PIGG: variants seen among roughly 807,000 people sequenced by gnomAD.
PIGG encodes phosphatidylinositol glycan anchor biosynthesis class G (EMM blood group).
In PIGG, 70 loss-of-function variants were observed where a neutral mutation model predicts 83.2. The ratio of observed to expected loss-of-function variants is 0.84; its 90% CI spans 0.69 to 1.03. The LOEUF (loss-of-function observed/expected upper bound fraction) is 1.03, where lower values mean the gene tolerates loss of function less well. Ranked by LOEUF, PIGG falls within the 50% of genes least tolerant of loss-of-function variation. The pLI is 0.00. For missense variants in PIGG, 1,257 were observed against 1,233.6 expected (o/e 1.02, Z -0.28); for synonymous variants, 532 against 519.5 (o/e 1.02, Z -0.33).
chr4:514,810 T>C (rs1723303190), intron 5 of PIGG, among the ~76,000 whole-genome samples: 1 of 152,186 alleles, frequency 6.6e-6, no homozygotes, highest in Non-Finnish European at 1.5e-5. Context: ...TATCCCGCAA[T>C]AGACACGCAA....
rs1303072464 is a variant in PIGG, at chr4:530,565, A to G, written c.2391A>G (p.Ile797Met). The G allele has an allele frequency of 1.2e-6, 2 of 1,613,744 alleles. No individual in the cohort carries two copies. The highest frequency in any genetic ancestry group is 1.7e-5 in the Admixed American group (1 of 60,012). Residue 797 changes from isoleucine (I) to methionine (M), a missense_variant, in exon 11 of 13, where the codon ATA becomes ATG. Physicochemically the swap from Ile to Met is conservative, Grantham distance 10. Transcript: ENST00000453061. ...TCAAGACTGTAGGTTTATGGGAGAT[A>G]TATAGTGGATTAGTTCTTCTGGCAG... ...FKLKTVGLWE[I>M]YSGLVLLAAL...
chr4:511,296 T>TAAA (rs1191304904), intron 5 of PIGG, among the ~76,000 whole-genome samples: 15 of 128,264 alleles, frequency 1.2e-4, no homozygotes, highest in South Asian at 7.5e-4. Flanking sequence ...TCCCCATCTT[T>TAAA]AAAAAAAAAA....
In PIGG at chr4:512,259, AC is replaced by A. The variant is rs570132889; in HGVS notation, c.901+3292del. Among the ~76,000 whole-genome samples the A allele has an allele frequency of 7.1e-3, 906 of 126,992 alleles. 9 individuals are homozygous for A. Among genetic ancestry groups the A allele is most frequent in the African/African-American group, 0.027 (858 of 32,202 alleles). 83.3% of individuals were successfully genotyped at this position (126,992 alleles called of 152,430 possible). A position where few individuals can be genotyped will look rare whatever the true frequency, so the allele number is the denominator to read the frequency against. ...TTTTGAGATGGAGTCTTGCTCTGTC[AC>A]CCAGGCTGGAGTGCAGTGACACGAT... On this transcript the variant is annotated intron_variant, in intron 5 of 12. Coordinates refer to ENST00000453061, the MANE Select transcript of PIGG (RefSeq NM_001127178.3).
intron 6 of PIGG, among the ~76,000 whole-genome samples, 187 bp from the exon 7 acceptor site, chr4:520,869 T>A (rs1293065891): frequency 6.6e-6 from 1 of 152,190 alleles, no homozygotes; most frequent in Admixed American, 6.5e-5. Context: ...ATTGGCAGCT[T>A]TCCCAGCTTT....
In PIGG at chr4:533,838, C is replaced by T. The variant is rs761489094; in HGVS notation, c.2592C>T (p.Ala864=). 13 of 1,614,238 alleles carry T rather than the reference C, an allele frequency of 8.1e-6. No homozygotes were observed. Among genetic ancestry groups the T allele is most frequent in the South Asian group, 3.3e-5 (3 of 91,084 alleles). The change falls in exon 12 of 13, where the codon GCC becomes GCT. Residue 864 remains alanine, a synonymous_variant. Transcript: ENST00000453061. ...TCCAGGGCAACTCCAACAACATTGC[C>T]ACCGTGGACATCTCCGCAGGCTTCG... ...FYFQGNSNNI[A]TVDISAGFVG...
intron 9 of PIGG, among the ~76,000 whole-genome samples, chr4:526,065 G>A (rs747258965): frequency 1.2e-4 from 18 of 152,232 alleles, no homozygotes; most frequent in Non-Finnish European, 2.2e-4. Flanking sequence ...CATTATCCGC[G>A]GTTTTCCTTA....
In PIGG at chr4:539,351, C is replaced by A; in HGVS notation, c.2934C>A (p.Thr978=). The change falls in exon 13 of 13, where the codon ACC becomes ACA. Residue 978 remains threonine (T), a synonymous_variant. Coordinates refer to ENST00000453061, the MANE Select transcript of PIGG (RefSeq NM_001127178.3). ...VCVFFTAMDQ[T]RLTQS is the part of the protein sequence containing the mutation. ...TATTCTTCACGGCAATGGATCAAAC[C>A]AGACTCACACAGTCTTAGACTAAGC... 1 of 1,603,704 alleles carries A rather than the reference C, an allele frequency of 6.2e-7. No homozygotes were observed. The highest frequency in any genetic ancestry group is 8.5e-7 in the Non-Finnish European group (1 of 1,171,050).
In PIGG at chr4:528,886, G is replaced by A. The variant is rs933542284; in HGVS notation, c.2262-1550G>A. On this transcript the variant is annotated intron_variant, in intron 10 of 12. Coordinates refer to ENST00000453061, the MANE Select transcript of PIGG (RefSeq NM_001127178.3). The surrounding 1 kb of genome is among the most constrained non-coding windows in gnomAD (Gnocchi z 4.8). ...CACCTTCTTCCTGTAAAGTGCCTCC[G>A]TCCTTTGTCCCCATCTGTCCCGATC... is the stretch of plus-strand genomic sequence containing the variant. Among the ~76,000 whole-genome samples the A allele has an allele frequency of 3.3e-5, 5 of 152,028 alleles. No homozygotes were observed. The highest frequency in any genetic ancestry group is 7.3e-5 in the African/African-American group (3 of 41,358).
chr4:506,841 C>T (rs138611602), intron 3 of PIGG: 127 of 455,744 alleles, frequency 2.8e-4, no homozygotes, highest in African/African-American at 2.0e-3. Context: ...TCAGCTTCAT[C>T]ATCCTGCTGG....
Position 500,567 on chromosome 4 carries a change from C to G in PIGG, c.326C>G (p.Ala109Gly), listed in dbSNP as rs1020963224. The change falls in exon 2 of 13, where the codon GCA becomes GGA. Residue 109 changes from alanine to glycine, a missense_variant. Coordinates refer to ENST00000453061, the MANE Select transcript of PIGG (RefSeq NM_001127178.3). ...GCATCTCACAGTTTTGTGGCTGAAG[C>G]AAAGCCACCTACAGTTACTATGCCT... ...KGASHSFVAE[A>G]KPPTVTMPRI... The G allele has an allele frequency of 2.5e-6, 4 of 1,611,412 alleles. No individual in the cohort carries two copies. The Admixed American group carries it at 6.7e-5, about 27-fold the overall frequency.
chr4:501,231 G>A (rs1717609467), intron 2 of PIGG: 6 of 441,976 alleles, frequency 1.4e-5, no homozygotes, highest in South Asian at 8.0e-5. Flanking sequence ...ATACTTCAAT[G>A]GGTATGCAAT....
At chr4:507,919 G>A (rs538760294) in intron 4 of PIGG, among the ~76,000 whole-genome samples, 3 of 151,730 alleles carry the variant, frequency 2.0e-5, no homozygotes, top group Non-Finnish European at 2.9e-5. Flanking sequence ...GTCACTTTCT[G>A]TTCTGTGTCA....
In PIGG at chr4:527,118, T is replaced by C. The variant is rs1227312399; in HGVS notation, c.2149T>C (p.Ser717Pro). 5.0e-6 allele frequency: 8 copies of C among 1,614,142 alleles called. No homozygotes were observed. Among genetic ancestry groups the C allele is most frequent in the Non-Finnish European group, 5.1e-6 (6 of 1,180,010 alleles). The change falls in exon 10 of 13, where the codon TCC (serine) becomes CCC (proline). Residue 717 changes from serine (S) to proline (P), a missense_variant. Ser to Pro is a moderately conservative substitution (Grantham distance 74). Coordinates refer to ENST00000453061, the MANE Select transcript of PIGG (RefSeq NM_001127178.3). ...VVFVLVQRGC[S>P]PVSKAALALG... ...TTTTGTGCTGGTGCAGAGGGGGTGC[T>C]CCCCTGTGTCCAAGGCTGCCCTGGC...
In PIGG at chr4:500,512, C is replaced by T. The variant is rs868933799; in HGVS notation, c.271C>T (p.Pro91Ser). Residue 91 changes from proline to serine, a missense_variant, in exon 2 of 13, where the codon CCC becomes TCC. Physicochemically the swap from Pro to Ser is moderately conservative, Grantham distance 74. Coordinates refer to ENST00000453061, the MANE Select transcript of PIGG (RefSeq NM_001127178.3). The stretch of plus-strand genomic sequence containing the variant: ...TGGGTCAAAGGGTGTGAAATTTATG[C>T]CCTACACAACTTACCTTGTGGAAAA... ...VFGSKGVKFM[P>S]YTTYLVEKGA... 6.2e-7 allele frequency: 1 copy of T among 1,612,592 alleles called. No homozygotes were observed. The highest frequency in any genetic ancestry group is 2.2e-5 in the East Asian group (1 of 44,892).
rs141953876 is a variant in PIGG at position 523,427 on chromosome 4, G to A, written c.1615-32G>A. 208 of 1,468,716 alleles carry A rather than the reference G, an allele frequency of 1.4e-4. 1 individual carries two copies. In the East Asian group the frequency reaches 3.6e-3, roughly 25 times the overall value. The allele number at this position is 1,468,716 out of a possible 1,614,324, so 91.0% of individuals were successfully genotyped here. A position where few individuals can be genotyped will look rare whatever the true frequency, so the allele number is the denominator to read the frequency against. On this transcript the variant is annotated intron_variant, in intron 8 of 12. Coordinates refer to ENST00000453061, the MANE Select transcript of PIGG (RefSeq NM_001127178.3). ...GCAAGATGTGTGTCGTTATCAGACCGTCTCTTACAAAGTGCACTTTCCTTT... is the reference window on the plus strand; with the variant it reads ...GCAAGATGTGTGTCGTTATCAGACCATCTCTTACAAAGTGCACTTTCCTTT...
intron 10 of PIGG, chr4:527,531 T>A: frequency 8.9e-7 from 1 of 1,122,238 alleles, no homozygotes; most frequent in South Asian, 3.4e-5. Context: ...GGGTGTGTGA[T>A]GGGACAGACA....
chr4:530,304 C>T (rs902633816), intron 10 of PIGG, 132 bp from the exon 11 acceptor site: 16 of 656,070 alleles, frequency 2.4e-5, no homozygotes, highest in African/African-American at 7.3e-5. Context: ...GGGAGGGTGC[C>T]GCGGCTCCTT....
intron 12 of PIGG, among the ~76,000 whole-genome samples, chr4:537,986 T>C (rs1197833787): frequency 1.4e-5 from 2 of 146,576 alleles, no homozygotes; most frequent in Admixed American, 6.7e-5. Context: ...AGGACATGCA[T>C]GTGGGGCCCA....
Position 500,385 on chromosome 4 carries a change from C to T in PIGG, c.155-11C>T, listed in dbSNP as rs1553874912. The T allele has an allele frequency of 6.3e-7, 1 of 1,599,378 alleles. No homozygotes were observed. Among genetic ancestry groups the T allele is most frequent in the South Asian group, 1.1e-5 (1 of 89,270 alleles). On this transcript the variant is annotated splice_polypyrimidine_tract_variant and intron_variant, in intron 1 of 12. Coordinates refer to ENST00000453061, the MANE Select transcript of PIGG (RefSeq NM_001127178.3). ...GAGTTCAATTTCCTTTTTTTTCTTT[C>T]AAACACTTAGGAGCCAGTTCTAACT...
Sources: gnomAD v4.1 joint callset for allele counts (sites outside exome capture counted in the v4.1 genomes callset) on GRCh38, gnomAD v4.1.1 for gene constraint, Gnocchi (gnomAD v3.1) non-coding constraint, MANE v1.5 for transcripts, NCBI Gene and HGNC (gene_info 2026-07-23, HGNC 2026-07-21) for gene names.